CDKN2B-AS1: variants seen among roughly 807,000 people sequenced by gnomAD.
The protein encoded by CDKN2B-AS1 is CDKN2B antisense RNA 1 (non-protein coding).
At chr9:22,007,999 C>T (rs1282463079) in intron 1 of CDKN2B-AS1, among the ~76,000 whole-genome samples, 1 of 151,844 alleles carries the variant, frequency 6.6e-6, no homozygotes, top group Non-Finnish European at 1.5e-5. Context: ...TGACCACTAG[C>T]CAACGGTAAA....
At chr9:22,124,131 A>G (rs1256440262) in intron 4 of CDKN2B-AS1, among the ~76,000 whole-genome samples, 3 of 152,110 alleles carry the variant, frequency 2.0e-5, no homozygotes, top group Non-Finnish European at 4.4e-5. Context: ...ACATTTGGCA[A>G]TATATATATA....
intron 1 of CDKN2B-AS1, chr9:22,009,110 T>C (rs1188277535): frequency 5.9e-6 from 7 of 1,182,738 alleles, no homozygotes; most frequent in Non-Finnish European, 8.5e-6. Context: ...CTTCTGCGGC[T>C]TGGGGCCCCG....
intron 1 of CDKN2B-AS1, among the ~76,000 whole-genome samples, chr9:22,025,731 T>C (rs988301587): frequency 2.6e-5 from 4 of 152,104 alleles, no homozygotes; most frequent in Admixed American, 2.0e-4. Context: ...TACAGGCCTG[T>C]TGCTGGCCCG....
At position 22,006,813 on chromosome 9, in the gene CDKN2B-AS1, G is replaced by A. The variant is rs1204430080; in HGVS notation, n.29+11652G>A. On this transcript the variant is annotated intron_variant and non_coding_transcript_variant, in intron 1 of 4. Transcript: ENST00000650946. This position sits in a 1 kb window ranked among gnomAD's most constrained non-coding sequence, Gnocchi z 6.4. ...AATCCCGTGCGGAAGGCTTTTGTTT[G>A]TCATGTGTCTGAGCTCATAACTGGC... is the stretch of plus-strand genomic sequence containing the variant. 1.3e-5 allele frequency among the ~76,000 whole-genome samples: 2 copies of A among 151,360 alleles called. No homozygotes were observed. The highest frequency in any genetic ancestry group is 2.9e-5 in the Non-Finnish European group (2 of 67,876).
At chr9:22,048,518 A>G (rs1823203171) in intron 2 of CDKN2B-AS1, among the ~76,000 whole-genome samples, 1 of 152,172 alleles carries the variant, frequency 6.6e-6, no homozygotes, top group South Asian at 2.1e-4. Flanking sequence ...TCAGTTTCAT[A>G]CATATACGTA....
intron 1 of CDKN2B-AS1, among the ~76,000 whole-genome samples, chr9:22,027,588 T>C (rs1204596983): frequency 1.3e-5 from 2 of 152,214 alleles, no homozygotes; most frequent in African/African-American, 4.8e-5. Context: ...GACTGCTTTT[T>C]TCATGGTTAC....
chr9:22,054,476 C>T (rs928500185), intron 3 of CDKN2B-AS1, among the ~76,000 whole-genome samples: 2 of 152,034 alleles, frequency 1.3e-5, no homozygotes, highest in African/African-American at 2.4e-5. Flanking sequence ...TATGAGCATA[C>T]CTTGTGTCAG....
intron 1 of CDKN2B-AS1, among the ~76,000 whole-genome samples, chr9:22,045,508 C>T (rs947724403): frequency 6.6e-6 from 1 of 151,996 alleles, no homozygotes; most frequent in African/African-American, 2.4e-5. Flanking sequence ...ATTATCTCAG[C>T]AAATGTACAA....
At chr9:22,108,218 C>T (rs1825709305) in intron 4 of CDKN2B-AS1, among the ~76,000 whole-genome samples, 1 of 152,168 alleles carries the variant, frequency 6.6e-6, no homozygotes, top group African/African-American at 2.4e-5. Flanking sequence ...GTCAGTTCTT[C>T]TCCGAATGGG....
intron 1 of CDKN2B-AS1, chr9:22,012,279 G>A (rs962675884): frequency 6.4e-5 from 94 of 1,471,346 alleles, no homozygotes; most frequent in Admixed American, 3.0e-4. Flanking sequence ...GACAAGCAGC[G>A]TCTGATATTT....
chr9:22,035,352 A>T (rs1053358670), intron 1 of CDKN2B-AS1, among the ~76,000 whole-genome samples: 1 of 148,128 alleles, frequency 6.8e-6, no homozygotes, highest in African/African-American at 2.5e-5. Context: ...ATTCTCTCTC[A>T]GTTCTTATTG....
Position 22,006,755 on chromosome 9 carries a change from C to CTTT in CDKN2B-AS1, n.29+11602_29+11604dup, listed in dbSNP as rs202025879. Among the ~76,000 whole-genome samples the CTTT allele has an allele frequency of 2.0e-5, 3 of 148,060 alleles. No homozygotes were observed. Among genetic ancestry groups the CTTT allele is most frequent in the Non-Finnish European group, 4.5e-5 (3 of 66,708 alleles). ...AATAAACAACTAAGTTTTTTTCTTT[C>CTTT]TTTTTTTTTTAATTTATTTAGTTCT... is the stretch of plus-strand genomic sequence containing the variant. On this transcript the variant is annotated intron_variant and non_coding_transcript_variant, in intron 1 of 4. Coordinates refer to ENST00000650946, the Ensembl canonical transcript of CDKN2B-AS1. The surrounding 1 kb of genome is among the most constrained non-coding windows in gnomAD (Gnocchi z 6.4).
intron 4 of CDKN2B-AS1, among the ~76,000 whole-genome samples, chr9:22,103,772 G>T (rs1027429688): frequency 1.3e-5 from 2 of 152,036 alleles, no homozygotes; most frequent in Non-Finnish European, 2.9e-5. Context: ...AATATTTTAG[G>T]CTTTTTAAAT....
chr9:22,078,875 T>G (rs1470424996), intron 4 of CDKN2B-AS1, among the ~76,000 whole-genome samples: 2 of 152,296 alleles, frequency 1.3e-5, no homozygotes, highest in East Asian at 3.9e-4. Context: ...AGAGGAGCCA[T>G]GTATGATCTT....
rs771954435 is a variant in CDKN2B-AS1, at chr9:22,006,023, G to A, written n.29+10862G>A. 4.4e-6 allele frequency: 7 copies of A among 1,603,930 alleles called. No individual in the cohort carries two copies. The East Asian group carries it at 1.6e-4, about 36-fold the overall frequency. ...TGGCTGTGCGCAGGTACCCTGCAACGTCGCGGTGGCCCCGCTCCTCGGCCA... is the reference window on the plus strand; with the variant it reads ...TGGCTGTGCGCAGGTACCCTGCAACATCGCGGTGGCCCCGCTCCTCGGCCA... On this transcript the variant is annotated intron_variant and non_coding_transcript_variant, in intron 1 of 4. Transcript: ENST00000650946. This position sits in a 1 kb window ranked among gnomAD's most constrained non-coding sequence, Gnocchi z 6.4.
intron 4 of CDKN2B-AS1, among the ~76,000 whole-genome samples, chr9:22,124,036 A>G (rs1826142216): frequency 6.6e-6 from 1 of 151,548 alleles, no homozygotes; most frequent in Admixed American, 6.6e-5. Context: ...ATATGCATAG[A>G]CAAATACACC....
intron 1 of CDKN2B-AS1, chr9:22,029,576 G>A: frequency 1.3e-6 from 1 of 776,330 alleles, no homozygotes; most frequent in Non-Finnish European, 2.4e-6. Flanking sequence ...ATGTGCCACT[G>A]AGGCCCACAC....
intron 1 of CDKN2B-AS1, chr9:22,008,906 C>T (rs748308679): frequency 1.2e-6 from 2 of 1,612,988 alleles, no homozygotes; most frequent in Non-Finnish European, 8.5e-7. Flanking sequence ...TGGCCAGACC[C>T]TCATCGCTGC....
intron 3 of CDKN2B-AS1, among the ~76,000 whole-genome samples, chr9:22,055,646 G>C (rs1286799199): frequency 6.6e-6 from 1 of 152,158 alleles, no homozygotes; most frequent in Non-Finnish European, 1.5e-5. Flanking sequence ...TTTTTATAGA[G>C]GGCCAGGAAT....
Sources: allele counts gnomAD v4.1 joint callset (sites outside exome capture counted in the v4.1 genomes callset), GRCh38; gene constraint gnomAD v4.1.1; non-coding constraint Gnocchi (gnomAD v3.1); transcripts MANE v1.5; gene names NCBI Gene and HGNC (gene_info 2026-07-23, HGNC 2026-07-21).